SORBS2: variants seen among roughly 807,000 people sequenced by gnomAD.
SORBS2 encodes sorbin and SH3 domain-containing protein 2.
A neutral mutation model predicts 97.7 loss-of-function variants in SORBS2; 46 were observed. The observed-to-expected ratio is 0.47, with a 90% CI of 0.37 to 0.60. SORBS2 has a LOEUF of 0.60. Among genes scored for constraint, SORBS2 ranks in the 20% least tolerant of loss-of-function variants. The pLI is 0.00. For synonymous variants in SORBS2, 476 were observed against 473.4 expected (o/e 1.01, Z -0.07); for missense variants, 1,316 against 1,282.3 (o/e 1.03, Z -0.40).
At chr4:185,861,895 C>T (rs1181951191) in intron 1 of SORBS2, among the ~76,000 whole-genome samples, 2 of 152,128 alleles carry the variant, frequency 1.3e-5, no homozygotes, top group Non-Finnish European at 2.9e-5. Flanking sequence ...CTGCGCCCAG[C>T]CCTGACTTCT....
intron 1 of SORBS2, among the ~76,000 whole-genome samples, chr4:185,783,874 A>G (rs2099043210): frequency 6.6e-6 from 1 of 152,198 alleles, no homozygotes; most frequent in Non-Finnish European, 1.5e-5. Context: ...TTATTTTACA[A>G]TTAAGTCACT....
chr4:185,874,904 G>A (rs186347801), intron 1 of SORBS2, among the ~76,000 whole-genome samples: 203 of 137,352 alleles, frequency 1.5e-3, no homozygotes, highest in African/African-American at 5.0e-3. Flanking sequence ...TTGGCACAAT[G>A]CTTCACATAT....
At chr4:185,599,319 C>G (rs1010466234) in intron 12 of SORBS2, among the ~76,000 whole-genome samples, 2 of 152,190 alleles carry the variant, frequency 1.3e-5, no homozygotes, top group African/African-American at 4.8e-5. Flanking sequence ...TCCTTGGCTG[C>G]ATTCCTTAGA....
intron 1 of SORBS2, among the ~76,000 whole-genome samples, chr4:185,926,946 A>G (rs1194878171): frequency 6.6e-6 from 1 of 151,958 alleles, no homozygotes; most frequent in Non-Finnish European, 1.5e-5. Flanking sequence ...TATAAGCCAC[A>G]AGCCAAGGAA....
chr4:185,843,019 C>G (rs1351461552), intron 1 of SORBS2, among the ~76,000 whole-genome samples: 2 of 151,404 alleles, frequency 1.3e-5, no homozygotes, highest in African/African-American at 4.9e-5. Flanking sequence ...TGGAGAAGGT[C>G]TGGGACTGAA....
chr4:185,819,818 A>G (rs1434972246), intron 1 of SORBS2, among the ~76,000 whole-genome samples: 1 of 152,114 alleles, frequency 6.6e-6, no homozygotes, highest in Non-Finnish European at 1.5e-5. Flanking sequence ...CTCTCCTTAT[A>G]CTGGTTTCAT....
chr4:185,936,927 A>G (rs1323519482), intron 1 of SORBS2, among the ~76,000 whole-genome samples: 3 of 152,246 alleles, frequency 2.0e-5, no homozygotes, highest in Non-Finnish European at 4.4e-5. Flanking sequence ...ATGCCTAATT[A>G]GAATGTTTTA....
At chr4:185,774,746 G>A (rs915921051) in intron 2 of SORBS2, 4 of 151,800 alleles carry the variant, frequency 2.6e-5, no homozygotes, top group South Asian at 2.1e-4. Flanking sequence ...AATTCCACAC[G>A]AGCAATGAAC....
chr4:185,600,390 G>A (rs905441436), intron 12 of SORBS2, among the ~76,000 whole-genome samples: 5 of 152,160 alleles, frequency 3.3e-5, no homozygotes, highest in African/African-American at 1.2e-4. Context: ...CCAGGCTGGA[G>A]TGCAATGGCA....
intron 4 of SORBS2, chr4:185,645,864 G>A (rs535633760): frequency 2.3e-4 from 35 of 152,348 alleles, no homozygotes; most frequent in African/African-American, 7.7e-4. Flanking sequence ...CAAAGGACAT[G>A]CAAGGGAGTA....
chr4:185,656,780 G>A, exon 1 of SORBS2: 4 of 1,458,782 alleles, frequency 2.7e-6, no homozygotes, highest in Non-Finnish European at 3.6e-6. Context: ...CAGATACACT[G>A]AGCAATGCTT....
At chr4:185,769,881 C>T (rs1179400634) in intron 2 of SORBS2, among the ~76,000 whole-genome samples, 1 of 152,180 alleles carries the variant, frequency 6.6e-6, no homozygotes, top group African/African-American at 2.4e-5. Context: ...AGGAAAAAGA[C>T]CGTTTTCCTT....
intron 12 of SORBS2, among the ~76,000 whole-genome samples, chr4:185,600,532 T>G (rs2096237843): frequency 6.6e-6 from 1 of 152,084 alleles, no homozygotes. Flanking sequence ...AGAGACAGGA[T>G]TTCACCATGT....
intron 8 of SORBS2, among the ~76,000 whole-genome samples, chr4:185,619,289 A>G (rs1352473942): frequency 6.6e-6 from 1 of 152,132 alleles, no homozygotes; most frequent in Non-Finnish European, 1.5e-5. Flanking sequence ...TGTACCCTAT[A>G]GCTAGCTAGG....
intron 2 of SORBS2, among the ~76,000 whole-genome samples, chr4:185,724,469 G>A (rs1181981335): frequency 6.6e-6 from 1 of 152,006 alleles, no homozygotes; most frequent in Admixed American, 6.5e-5. Flanking sequence ...TGGGCCAACC[G>A]GTGATGAGAC....
intron 2 of SORBS2, among the ~76,000 whole-genome samples, chr4:185,712,660 C>G (rs973248218): frequency 1.3e-5 from 2 of 152,200 alleles, no homozygotes; most frequent in African/African-American, 4.8e-5. Flanking sequence ...ACAGGCACCC[C>G]CACCTGGATG....
chr4:185,678,436 C>T, exon 4 of SORBS2: 2 of 1,550,108 alleles, frequency 1.3e-6, no homozygotes, highest in Non-Finnish European at 1.7e-6. Context: ...AGTTGGTGAT[C>T]TTTTATCTTG....
At chr4:185,646,400 C>T (rs183421658) in intron 4 of SORBS2, 262 of 305,536 alleles carry the variant, frequency 8.6e-4, no homozygotes, top group Middle Eastern at 4.6e-3. Context: ...TATGTATATA[C>T]ACCTGCATGT....
At chr4:185,628,684 G>A (rs966683539) in intron 5 of SORBS2, among the ~76,000 whole-genome samples, 6 of 152,202 alleles carry the variant, frequency 3.9e-5, no homozygotes, top group African/African-American at 1.4e-4. Flanking sequence ...AGGAGTTTGA[G>A]GCTGCAGTGA....
Sources: allele counts gnomAD v4.1 joint callset (sites outside exome capture counted in the v4.1 genomes callset), GRCh38; gene constraint gnomAD v4.1.1; transcripts MANE v1.5; gene names NCBI Gene and HGNC (gene_info 2026-07-23, HGNC 2026-07-21).